The following GFRA3 variants were observed in gnomAD, a reference collection of about 807,000 sequenced individuals.
GFRA3 encodes the protein GDNF family receptor alpha-3.
GFRA3 carries 24 observed loss-of-function variants against 40.0 expected under a neutral mutation model. The ratio of observed to expected loss-of-function variants is 0.60; its 90% CI spans 0.43 to 0.84. The LOEUF (loss-of-function observed/expected upper bound fraction) is 0.84, where lower values mean the gene tolerates loss of function less well. Ranked by LOEUF, GFRA3 falls within the 40% of genes least tolerant of loss-of-function variation. The pLI, the probability that GFRA3 is intolerant of heterozygous loss-of-function variation, is 0.00. For synonymous variants in GFRA3, 203 were observed against 213.5 expected, an observed-to-expected ratio of 0.95 and a Z score of 0.43; for missense variants, 405 against 530.6, an observed-to-expected ratio of 0.76 and a Z score of 2.33.
chr5:138,261,743 T>C (rs919271183), intron 2 of GFRA3, among the ~76,000 whole-genome samples: 1 of 151,144 alleles, frequency 6.6e-6, no homozygotes, highest in Non-Finnish European at 1.5e-5. Context: ...ATGCCACTGT[T>C]TCTTGTATTC....
In GFRA3 at chr5:138,274,341, G is replaced by T; in HGVS notation, c.84C>A (p.Leu28=). ...GCGCGCTCTGACACTCACCGGCTGC[G>T]AGAGGCAGCGGCGACGGCGGCAGCA... ...LLLLPPSPLP[L]AAGDPLPTES... is the part of the protein sequence containing the mutation. The change falls in exon 1 of 8, where the codon CTC becomes CTA. Residue 28 remains leucine (L), a synonymous_variant. Transcript: ENST00000274721. 2 of 1,341,464 alleles carry T rather than the reference G, an allele frequency of 1.5e-6. No homozygotes were observed. The highest frequency in any genetic ancestry group is 2.0e-4 in the Middle Eastern group (1 of 5,030). 83.1% of individuals were successfully genotyped at this position (1,341,464 alleles called of 1,614,324 possible).
At chr5:138,253,655 T>A in intron 6 of GFRA3, 111 bp downstream of exon 6, 2 of 985,828 alleles carry the variant, frequency 2.0e-6, no homozygotes, top group South Asian at 3.1e-5. Context: ...GGAACTGCTC[T>A]GTTTGGTGGA....
chr5:138,264,496 C>T lies in GFRA3; in HGVS notation c.144G>A (p.Arg48=), dbSNP rs1217610012. The change falls in exon 2 of 8, where the codon AGG becomes AGA. Residue 48 remains arginine (R), a synonymous_variant. Coordinates refer to ENST00000274721, the MANE Select transcript of GFRA3 (RefSeq NM_001496.4). The part of the protein sequence containing the change: ...SRLMNSCLQA[R]RKCQADPTCS... ...AGGTGGGATCAGCCTGGCACTTCCT[C>T]CTGGCCTGGAGACAGCTGTTCATGA... 3 of 1,613,322 alleles carry T rather than the reference C, an allele frequency of 1.9e-6. No individual in the cohort carries two copies. The highest frequency in any genetic ancestry group is 1.3e-5 in the African/African-American group (1 of 75,042).
rs188361836 is a variant in GFRA3 at position 138,256,517 on chromosome 5, G to T, written c.785+1122C>A. Among the ~76,000 whole-genome samples, 194 of 141,962 alleles carry T rather than the reference G, an allele frequency of 1.4e-3. 1 individual carries two copies. The highest frequency in any genetic ancestry group is 4.9e-3 in the African/African-American group (188 of 38,596). The allele number at this position is 141,962 out of a possible 152,430, so 93.1% of individuals were successfully genotyped here. The stretch of plus-strand genomic sequence containing the variant: ...CACTCCAGCCTGGATGACAGAGAGA[G>T]ACTCCATCTCAAAAAAAACAAACAA... On this transcript the variant is annotated intron_variant, in intron 4 of 7. Transcript: ENST00000274721.
intron 1 of GFRA3, among the ~76,000 whole-genome samples, chr5:138,269,543 A>C (rs1346589785): frequency 7.3e-5 from 11 of 150,644 alleles, no homozygotes; most frequent in East Asian, 3.9e-4. Context: ...TCTGAAAAAA[A>C]AAAAAACAAA....
Position 138,274,338 on chromosome 5 carries a change from T to G in GFRA3, c.87A>C (p.Ala29=). The part of the protein sequence containing the change: ...LLLPPSPLPL[A]AGDPLPTESR... ...GGTGCGCGCTCTGACACTCACCGGC[T>G]GCGAGAGGCAGCGGCGACGGCGGCA... The change falls in exon 1 of 8, where the codon GCA becomes GCC. Residue 29 remains alanine, a synonymous_variant. Transcript: ENST00000274721. 7.5e-7 allele frequency: 1 copy of G among 1,341,814 alleles called. No homozygotes were observed. Among genetic ancestry groups the G allele is most frequent in the African/African-American group, 1.5e-5 (1 of 66,554 alleles). 83.1% of individuals were successfully genotyped at this position (1,341,814 alleles called of 1,614,324 possible). A position where few individuals can be genotyped will look rare whatever the true frequency, so the allele number is the denominator to read the frequency against.
chr5:138,261,774 T>C (rs903698246), intron 2 of GFRA3, among the ~76,000 whole-genome samples: 4 of 116,170 alleles, frequency 3.4e-5, no homozygotes, highest in African/African-American at 9.8e-5. Context: ...AGATAAAACA[T>C]AAAAAAAAAT....
At chr5:138,271,424 C>A (rs1755867404) in intron 1 of GFRA3, among the ~76,000 whole-genome samples, 1 of 152,124 alleles carries the variant, frequency 6.6e-6, no homozygotes, top group Non-Finnish European at 1.5e-5. Context: ...ACTTGGGGGC[C>A]ACGTTAAATT....
In GFRA3 at chr5:138,274,454, C is replaced by T. The variant is rs1265359164; in HGVS notation, c.-30G>A. The T allele has an allele frequency of 6.2e-6, 8 of 1,283,748 alleles. No individual in the cohort carries two copies. The highest frequency in any genetic ancestry group is 6.2e-5 in the East Asian group (2 of 32,072). 79.5% of individuals were successfully genotyped at this position (1,283,748 alleles called of 1,614,324 possible). ...AGCTGTAGGCGCCGGGCTCCGCGCT[C>T]CCCTCGCTCCTCCCCTGGAGCTCTG... On this transcript the variant is annotated 5_prime_UTR_variant, in exon 1 of 8. Coordinates refer to ENST00000274721, the MANE Select transcript of GFRA3 (RefSeq NM_001496.4).
intron 2 of GFRA3, among the ~76,000 whole-genome samples, chr5:138,260,711 G>T (rs1389832404): frequency 1.3e-5 from 2 of 152,052 alleles, no homozygotes; most frequent in Admixed American, 1.3e-4. Context: ...GGAGGCTGCA[G>T]TGAGCCAAGA....
chr5:138,272,252 C>T (rs921515217), intron 1 of GFRA3, among the ~76,000 whole-genome samples: 10 of 151,232 alleles, frequency 6.6e-5, no homozygotes, highest in African/African-American at 1.7e-4. Context: ...GTGATCTACC[C>T]GTCTCAGCCT....
intron 2 of GFRA3, among the ~76,000 whole-genome samples, chr5:138,260,510 T>C (rs1195119955): frequency 6.6e-6 from 1 of 152,230 alleles, no homozygotes; most frequent in Non-Finnish European, 1.5e-5. Flanking sequence ...GGCTCACACC[T>C]GTAATCCTAG....
chr5:138,255,002 AGAAGGAAGGAAGGAGAGAGAGAGGAAG>A (rs1755606443), intron 4 of GFRA3, among the ~76,000 whole-genome samples: 7 of 140,390 alleles, frequency 5.0e-5, no homozygotes. Flanking sequence ...AGAAGAGAAG[AGAAGGAAGGAAGGAGAGAGAGAGGAAG>A]GAAGGAAGGA....
intron 1 of GFRA3, among the ~76,000 whole-genome samples, chr5:138,271,911 T>TGTGTGTGTGTGTGTGTGTG (rs61407779): frequency 1.0e-5 from 1 of 95,256 alleles, no homozygotes; most frequent in African/African-American, 3.7e-5. Flanking sequence ...TTTTTTTTTT[T>TGTGTGTGTGTGTGTGTGTG]TTTGTGTGTG....
At chr5:138,270,371 CAAA>C (rs776243779) in intron 1 of GFRA3, among the ~76,000 whole-genome samples, 6 of 76,406 alleles carry the variant, frequency 7.9e-5, no homozygotes, top group East Asian at 4.0e-4. Flanking sequence ...GACTCCGTCT[CAAA>C]AAAAAAAAAA....
At chr5:138,271,954 GTTTTA>G (rs1457413935) in intron 1 of GFRA3, among the ~76,000 whole-genome samples, 1 of 90,232 alleles carries the variant, frequency 1.1e-5, no homozygotes, top group Non-Finnish European at 2.3e-5. Context: ...TGGTTTGGTT[GTTTTA>G]TTTGTTTGTT....
At chr5:138,253,137 T>TC in intron 7 of GFRA3, 80 bp from the exon 8 acceptor site, 1 of 881,674 alleles carries the variant, frequency 1.1e-6, no homozygotes, top group Middle Eastern at 2.2e-4. Context: ...CAAGAGGTAT[T>TC]CCCCTTCCCC....
chr5:138,271,892 GTTTTTTTTTTTT>G (rs772736464), intron 1 of GFRA3, among the ~76,000 whole-genome samples: 1 of 59,676 alleles, frequency 1.7e-5, no homozygotes, highest in African/African-American at 9.7e-5. Context: ...TTTCTTTTCT[GTTTTTTTTTTTT>G]TTTTTTTTTT....
In GFRA3 at chr5:138,274,595, C is replaced by G. The variant is rs1279954883; in HGVS notation, c.-171G>C. Reference sequence around the variant, plus strand: ...GCCCTCCAACTCCGAAGCGCGCGTCCACACCACGCGCCTCCAGCGCTGGTC... The same window carrying G: ...GCCCTCCAACTCCGAAGCGCGCGTCGACACCACGCGCCTCCAGCGCTGGTC... On this transcript the variant is annotated 5_prime_UTR_variant, in exon 1 of 8. Transcript: ENST00000274721. The G allele has an allele frequency of 6.5e-6, 8 of 1,224,288 alleles. No individual in the cohort carries two copies. The highest frequency in any genetic ancestry group is 8.1e-6 in the Non-Finnish European group (8 of 983,600). 75.8% of individuals were successfully genotyped at this position (1,224,288 alleles called of 1,614,324 possible).
Sources: allele counts gnomAD v4.1 joint callset (sites outside exome capture counted in the v4.1 genomes callset), GRCh38; gene constraint gnomAD v4.1.1; transcripts MANE v1.5; gene names NCBI Gene and HGNC (gene_info 2026-07-23, HGNC 2026-07-21).